Variants in IFT74 observed in about 807,000 individuals in gnomAD.
The protein encoded by IFT74 is intraflagellar transport 74.
IFT74 carries 92 observed loss-of-function variants against 96.7 expected under a neutral mutation model. The observed-to-expected ratio is 0.95, with a 90% CI of 0.80 to 1.13. IFT74 has a LOEUF of 1.13. Ranked by LOEUF, IFT74 falls within the 50% of genes most tolerant of loss-of-function variation. The pLI is 0.00. For missense variants in IFT74, 811 were observed against 698.2 expected, an observed-to-expected ratio of 1.16 and a Z score of -1.82; for synonymous variants, 223 against 213.2, an observed-to-expected ratio of 1.05 and a Z score of -0.40.
chr9:26,992,562 AG>A (rs762275152), intron 8 of IFT74, among the ~76,000 whole-genome samples: 93 of 152,122 alleles, frequency 6.1e-4, no homozygotes, highest in Non-Finnish European at 1.1e-3. Flanking sequence ...GTGAGGTGGC[AG>A]GTGCCTGTAA....
chr9:27,049,725 G>C, intron 16 of IFT74, among the ~76,000 whole-genome samples: 1 of 152,152 alleles, frequency 6.6e-6, no homozygotes, highest in Non-Finnish European at 1.5e-5. Flanking sequence ...TAAGCATAAG[G>C]AGCAACGGAA....
At chr9:26,984,159 T>G in intron 4 of IFT74, 98 bp from the exon 5 acceptor site, 2 of 902,328 alleles carry the variant, frequency 2.2e-6, no homozygotes, top group Non-Finnish European at 3.2e-6. Context: ...CAAAACTATT[T>G]ATATTATTAT....
intron 13 of IFT74, among the ~76,000 whole-genome samples, chr9:27,034,068 G>T (rs754934570): frequency 6.6e-6 from 1 of 152,102 alleles, no homozygotes; most frequent in Non-Finnish European, 1.5e-5. Flanking sequence ...TTGACAAATA[G>T]AGTTAACAAA....
At chr9:27,044,644 A>G in intron 13 of IFT74, 98 bp from the exon 14 acceptor site, 8 of 695,154 alleles carry the variant, frequency 1.2e-5, no homozygotes, top group South Asian at 1.1e-4. Context: ...CGAATAGTCA[A>G]TGACTAATGG....
chr9:27,052,929 T>A (rs986953399), intron 16 of IFT74, among the ~76,000 whole-genome samples: 1 of 151,810 alleles, frequency 6.6e-6, no homozygotes, highest in African/African-American at 2.4e-5. Context: ...GTGGCGCGAT[T>A]TTGGCTCACT....
rs1479437229 is a variant in IFT74, at chr9:27,065,324, T to C, written c.*2588T>C. 6.6e-6 allele frequency among the ~76,000 whole-genome samples: 1 copy of C among 152,148 alleles called. No individual in the cohort carries two copies. Among genetic ancestry groups the C allele is most frequent in the African/African-American group, 2.4e-5 (1 of 41,434 alleles). ...AACAAGAATATTCTCTTTACTGGGATAGAACTGGAGGCTAATAGCTGCATG... is the reference window on the plus strand; with the variant it reads ...AACAAGAATATTCTCTTTACTGGGACAGAACTGGAGGCTAATAGCTGCATG... On this transcript the variant is annotated 3_prime_UTR_variant, in exon 20 of 20. Coordinates refer to ENST00000380062, the MANE Select transcript of IFT74 (RefSeq NM_025103.4).
At chr9:26,992,034 T>TC (rs1028028652) in intron 8 of IFT74, among the ~76,000 whole-genome samples, 68 of 142,418 alleles carry the variant, frequency 4.8e-4, no homozygotes, top group Non-Finnish European at 1.3e-4. Context: ...AGACTCCGTC[T>TC]CAAAAAAAAA....
intron 1 of IFT74, among the ~76,000 whole-genome samples, chr9:26,950,324 G>A (rs10812501): frequency 0.16 from 22,897 of 146,970 alleles, 2,797 homozygotes; most frequent in East Asian, 0.67. Flanking sequence ...AAAAAAAAAA[G>A]AAAGAAAGAA....
chr9:27,033,212 G>C (rs1830202552), intron 13 of IFT74, among the ~76,000 whole-genome samples: 1 of 152,040 alleles, frequency 6.6e-6, no homozygotes, highest in South Asian at 2.1e-4. Flanking sequence ...ACTTCATTCT[G>C]AGAAATGGTA....
intron 12 of IFT74, among the ~76,000 whole-genome samples, chr9:27,019,202 C>T (rs967931584): frequency 1.3e-5 from 2 of 152,052 alleles, no homozygotes; most frequent in Non-Finnish European, 2.9e-5. Flanking sequence ...AGTGATCCTC[C>T]CATCTCAGCT....
At position 26,948,452 on chromosome 9, in the gene IFT74, T is replaced by TA. The variant is rs1563926469; in HGVS notation, c.-20+1306_-20+1307insA. On this transcript the variant is annotated intron_variant, in intron 1 of 19. Transcript: ENST00000433700. ...AACCTGTGATGGCTTTCCATTATTT[T>TA]TTTTTTTTTTTTTTTTTTTTTTTTT... Among the ~76,000 whole-genome samples, 310 of 33,802 alleles carry TA rather than the reference T, an allele frequency of 9.2e-3. 6 individuals are homozygous for TA. The highest frequency in any genetic ancestry group is 0.035 in the African/African-American group (139 of 3,992). The allele number at this position is 33,802 out of a possible 152,430, so 22.2% of individuals were successfully genotyped here. A position where few individuals can be genotyped will look rare whatever the true frequency, so the allele number is the denominator to read the frequency against.
intron 8 of IFT74, chr9:26,997,752 A>G (rs1235163888): frequency 1.2e-6 from 2 of 1,609,820 alleles, no homozygotes; most frequent in Non-Finnish European, 1.7e-6. Context: ...GATGTGTTCA[A>G]CCAGTTCTGC....
chr9:27,003,523 A>AG (rs1368556973), intron 8 of IFT74, among the ~76,000 whole-genome samples: 1 of 152,052 alleles, frequency 6.6e-6, no homozygotes, highest in Non-Finnish European at 1.5e-5. Flanking sequence ...ACTCTGTCTC[A>AG]GAAAAAAAAA....
chr9:26,987,853 G>C (rs934991052), intron 6 of IFT74, among the ~76,000 whole-genome samples: 1 of 152,208 alleles, frequency 6.6e-6, no homozygotes, highest in East Asian at 1.9e-4. Flanking sequence ...ACTTACTACT[G>C]TTCCATCTGT....
chr9:26,975,835 C>G (rs1436181585), intron 2 of IFT74, among the ~76,000 whole-genome samples: 1 of 152,212 alleles, frequency 6.6e-6, no homozygotes, highest in South Asian at 2.1e-4. Flanking sequence ...TTAGCCCCAC[C>G]TGTTGGAGGC....
In IFT74 at chr9:26,984,546, C is replaced by T; in HGVS notation, c.452C>T (p.Ala151Val). ...ATAAAAGAGCTTCAAGGACAACTAGCAGACTACAACATGGTATTTTATCTT... is the reference window on the plus strand; with the variant it reads ...ATAAAAGAGCTTCAAGGACAACTAGTAGACTACAACATGGTATTTTATCTT... Reference protein sequence around the residue: ...VEIKELQGQLADYNMLVDKLN... With the variant: ...VEIKELQGQLVDYNMLVDKLN... The change falls in exon 6 of 20, where the codon GCA (alanine) becomes GTA (valine). Residue 151 changes from alanine (A) to valine (V), a missense_variant. Physicochemically the swap from Ala to Val is moderately conservative, Grantham distance 64. Transcript: ENST00000380062. 6.2e-7 allele frequency: 1 copy of T among 1,609,776 alleles called. No individual in the cohort carries two copies. The highest frequency in any genetic ancestry group is 8.5e-7 in the Non-Finnish European group (1 of 1,176,622).
At chr9:26,996,508 T>G (rs1828166793) in intron 8 of IFT74, 3 of 1,417,322 alleles carry the variant, frequency 2.1e-6, no homozygotes, top group Non-Finnish European at 2.8e-6. Flanking sequence ...TTCTAGTAAA[T>G]CAGAAAGAAT....
chr9:26,990,057 C>G (rs759587203), intron 7 of IFT74, 77 bp from the exon 8 acceptor site: 24 of 755,084 alleles, frequency 3.2e-5, no homozygotes, highest in Non-Finnish European at 4.7e-5. Flanking sequence ...CATTTAGTTC[C>G]TAGCCAAAAT....
intron 1 of IFT74, among the ~76,000 whole-genome samples, chr9:26,960,930 G>A (rs970281901): frequency 2.6e-5 from 4 of 151,618 alleles, no homozygotes; most frequent in Non-Finnish European, 5.9e-5. Flanking sequence ...GTCATCCAGG[G>A]TGATGGTGAG....
Sources: allele counts gnomAD v4.1 joint callset (sites outside exome capture counted in the v4.1 genomes callset), GRCh38; gene constraint gnomAD v4.1.1; transcripts MANE v1.5; gene names NCBI Gene and HGNC (gene_info 2026-07-23, HGNC 2026-07-21).